Variants in ANKRD45 observed in about 807,000 individuals in gnomAD.
ANKRD45 encodes the protein ankyrin repeat domain 45.
A neutral mutation model predicts 28.1 loss-of-function variants in ANKRD45; 21 were observed. The observed-to-expected ratio is 0.75, with a 90% CI of 0.53 to 1.08. ANKRD45 has a LOEUF of 1.08. ANKRD45 is among the 50% of genes least tolerant of loss of function. The pLI, the probability that ANKRD45 is intolerant of heterozygous loss-of-function variation, is 0.00. For missense variants in ANKRD45, 261 were observed against 308.7 expected (o/e 0.85, Z 1.16); for synonymous variants, 86 against 103.9 (o/e 0.83, Z 1.05).
intron 3 of ANKRD45, among the ~76,000 whole-genome samples, chr1:173,641,470 C>T (rs1276140480): frequency 6.6e-6 from 1 of 152,258 alleles, no homozygotes; most frequent in Non-Finnish European, 1.5e-5. Context: ...GCCAAGTTTA[C>T]TTCCTGCCTC....
chr1:173,693,444 A>C, the ANKRD45 span, among the ~76,000 whole-genome samples: 301 of 152,332 alleles, frequency 2.0e-3, 2 homozygotes, highest in African/African-American at 6.8e-3. Flanking sequence ...ACATGGATAA[A>C]TATGCATGCA....
At chr1:173,675,377 C>G in the ANKRD45 span, 1 of 294,766 alleles carries the variant, frequency 3.4e-6, no homozygotes, top group South Asian at 2.7e-5. Context: ...CTTTGGGAGG[C>G]CGAGGCAGGT....
chr1:173,707,081 ATT>A, the ANKRD45 span, among the ~76,000 whole-genome samples: 2 of 151,840 alleles, frequency 1.3e-5, no homozygotes, highest in Non-Finnish European at 2.9e-5. Flanking sequence ...GATTAAGGGC[ATT>A]TTCTTTTTCT....
At chr1:173,638,358 G>T (rs1202555167) in intron 3 of ANKRD45, among the ~76,000 whole-genome samples, 1 of 152,084 alleles carries the variant, frequency 6.6e-6, no homozygotes, top group African/African-American at 2.4e-5. Context: ...GACATCCCTA[G>T]CACAAGGGAT....
chr1:173,613,082 C>A (rs1460280151), intron 5 of ANKRD45, among the ~76,000 whole-genome samples: 1 of 151,552 alleles, frequency 6.6e-6, no homozygotes, highest in East Asian at 2.0e-4. Context: ...CCCCTCTGCT[C>A]GGCTGCCCAG....
intron 1 of ANKRD45, among the ~76,000 whole-genome samples, chr1:173,665,580 C>G (rs1478899189): frequency 6.6e-6 from 1 of 152,126 alleles, no homozygotes; most frequent in African/African-American, 2.4e-5. Flanking sequence ...ATTTCTATAT[C>G]AGCCCAGAAC....
intron 5 of ANKRD45, among the ~76,000 whole-genome samples, chr1:173,615,669 GA>G (rs1314896040): frequency 6.6e-6 from 1 of 152,066 alleles, no homozygotes; most frequent in Non-Finnish European, 1.5e-5. Context: ...ATATAAAATG[GA>G]AATCAGTTTA....
At chr1:173,690,624 G>A in the ANKRD45 span, among the ~76,000 whole-genome samples, 4 of 152,144 alleles carry the variant, frequency 2.6e-5, no homozygotes, top group African/African-American at 7.2e-5. Context: ...GAGGTATTGA[G>A]GATGGGTCCC....
the ANKRD45 span, among the ~76,000 whole-genome samples, chr1:173,688,261 G>A: frequency 6.6e-6 from 1 of 152,044 alleles, no homozygotes; most frequent in Admixed American, 6.6e-5. Context: ...TAAAGGAATA[G>A]GGTACACTGT....
chr1:173,614,113 C>G (rs1293105801), intron 5 of ANKRD45, among the ~76,000 whole-genome samples: 2 of 152,138 alleles, frequency 1.3e-5, no homozygotes, highest in African/African-American at 4.8e-5. Flanking sequence ...TCTCAAGTAC[C>G]CAGGGACACA....
Position 173,661,164 on chromosome 1 carries a change from T to C in ANKRD45, c.-15-1731A>G, listed in dbSNP as rs553972202. ...CAGAAAAAAAAGACAAAAAGCAACA[T>C]TGAACACAGATTCAAGATCATGTTT... On this transcript the variant is annotated intron_variant, in intron 1 of 5. Coordinates refer to ENST00000333279, the MANE Select transcript of ANKRD45 (RefSeq NM_198493.3). Among the ~76,000 whole-genome samples the C allele has an allele frequency of 3.2e-4, 49 of 152,172 alleles. 1 individual carries two copies. Among genetic ancestry groups the C allele is most frequent in the African/African-American group, 1.1e-3 (46 of 41,526 alleles).
At chr1:173,679,396 A>G in the ANKRD45 span, among the ~76,000 whole-genome samples, 1 of 152,208 alleles carries the variant, frequency 6.6e-6, no homozygotes, top group Non-Finnish European at 1.5e-5. Flanking sequence ...AACACCACAC[A>G]TCTACAACCA....
At chr1:173,617,299 T>A (rs915280757) in intron 5 of ANKRD45, among the ~76,000 whole-genome samples, 4 of 152,184 alleles carry the variant, frequency 2.6e-5, no homozygotes, top group Non-Finnish European at 5.9e-5. Context: ...CCACGGCACT[T>A]CACAAGTTAA....
At chr1:173,677,052 CAT>C in the ANKRD45 span, among the ~76,000 whole-genome samples, 2 of 151,432 alleles carry the variant, frequency 1.3e-5, no homozygotes, top group Admixed American at 6.6e-5. Flanking sequence ...CAGAAAAAGA[CAT>C]AATTTATAAT....
the ANKRD45 span, among the ~76,000 whole-genome samples, chr1:173,686,194 G>T: frequency 6.6e-6 from 1 of 152,150 alleles, no homozygotes; most frequent in Non-Finnish European, 1.5e-5. Flanking sequence ...TCCCTACAGG[G>T]CATAACAAGG....
chr1:173,623,814 A>C (rs1342399795), intron 5 of ANKRD45, among the ~76,000 whole-genome samples: 1 of 152,190 alleles, frequency 6.6e-6, no homozygotes, highest in African/African-American at 2.4e-5. Context: ...TTTAAAAGAC[A>C]TGGATGGAGC....
At chr1:173,702,056 G>A in the ANKRD45 span, among the ~76,000 whole-genome samples, 1 of 152,166 alleles carries the variant, frequency 6.6e-6, no homozygotes, top group Non-Finnish European at 1.5e-5. Flanking sequence ...GAACACGTAA[G>A]TGTTTGAAAT....
Position 173,650,615 on chromosome 1 carries a change from C to G in ANKRD45, c.329-3602G>C, listed in dbSNP as rs188305024. Among the ~76,000 whole-genome samples the G allele has an allele frequency of 1.1e-4, 16 of 152,214 alleles. No individual in the cohort carries two copies. In the East Asian group the frequency reaches 3.1e-3, roughly 29 times the overall value. On this transcript the variant is annotated intron_variant, in intron 2 of 5. Coordinates refer to ENST00000333279, the MANE Select transcript of ANKRD45 (RefSeq NM_198493.3). ...GATTTATAAACCCTTGGGTATATAC[C>G]CAGTAATGGGATGGCTGGGTCAAAT...
At chr1:173,689,945 G>A in the ANKRD45 span, among the ~76,000 whole-genome samples, 1 of 151,168 alleles carries the variant, frequency 6.6e-6, no homozygotes, top group Non-Finnish European at 1.5e-5. Flanking sequence ...CGACCCAAGT[G>A]TATAACTGAG....
Sources: allele counts gnomAD v4.1 joint callset (sites outside exome capture counted in the v4.1 genomes callset), GRCh38; gene constraint gnomAD v4.1.1; transcripts MANE v1.5; gene names NCBI Gene and HGNC (gene_info 2026-07-23, HGNC 2026-07-21).